The following SLIT2 variants were observed in gnomAD, a reference collection of about 807,000 sequenced individuals.
SLIT2 encodes slit guidance ligand 2, also known as slit homolog 2 protein.
In SLIT2, 41 loss-of-function variants were observed where a neutral mutation model predicts 185.7. The observed-to-expected ratio is 0.22, with a 90% CI of 0.17 to 0.29. The LOEUF (loss-of-function observed/expected upper bound fraction) is 0.29, where lower values mean the gene tolerates loss of function less well. Ranked by LOEUF, SLIT2 falls within the 10% of genes least tolerant of loss-of-function variation. The pLI, the probability that SLIT2 is intolerant of heterozygous loss-of-function variation, is 1.00. For missense variants in SLIT2, 1,571 were observed against 1,909.0 expected (o/e 0.82, Z 3.30); for synonymous variants, 693 against 680.2 (o/e 1.02, Z -0.29).
chr4:20,403,354 T>C lies in SLIT2; in HGVS notation c.396-64398T>C, dbSNP rs1726505970. On this transcript the variant is annotated intron_variant, in intron 4 of 36. Coordinates refer to ENST00000504154, the MANE Select transcript of SLIT2 (RefSeq NM_004787.4). ...CAAACCATACACCAATTCCCAGCAGTTTTCACTGGAGACAGTGTTACAAGA... is the reference window on the plus strand; with the variant it reads ...CAAACCATACACCAATTCCCAGCAGCTTTCACTGGAGACAGTGTTACAAGA... Among the ~76,000 whole-genome samples, 10 of 152,032 alleles carry C rather than the reference T, an allele frequency of 6.6e-5. No homozygotes were observed. The South Asian group carries it at 2.1e-3, about 31-fold the overall frequency.
intron 4 of SLIT2, among the ~76,000 whole-genome samples, chr4:20,408,160 A>AG (rs1726917895): frequency 6.6e-6 from 1 of 152,192 alleles, no homozygotes; most frequent in Non-Finnish European, 1.5e-5. Flanking sequence ...TGTTTAACAG[A>AG]GGCTTATTAA....
intron 4 of SLIT2, among the ~76,000 whole-genome samples, chr4:20,409,449 A>T (rs1410639253): frequency 6.6e-6 from 1 of 152,054 alleles, no homozygotes; most frequent in African/African-American, 2.4e-5. Flanking sequence ...TATGTACCAC[A>T]TTTTCTTTAT....
chr4:20,527,663 C>A (rs985637326), intron 15 of SLIT2, among the ~76,000 whole-genome samples: 46 of 152,086 alleles, frequency 3.0e-4, no homozygotes, highest in African/African-American at 1.1e-3. Context: ...TCTTGTGAGA[C>A]CACCGTGCTT....
chr4:20,338,767 A>G (rs1167463227), intron 4 of SLIT2, among the ~76,000 whole-genome samples: 1 of 152,110 alleles, frequency 6.6e-6, no homozygotes, highest in Non-Finnish European at 1.5e-5. Context: ...AAATACCAAC[A>G]ATCTATTATT....
chr4:20,518,698 G>A (rs140651529), intron 11 of SLIT2, among the ~76,000 whole-genome samples: 24,010 of 114,618 alleles, frequency 0.21, 2,553 homozygotes, highest in African/African-American at 0.32. Context: ...TCCGCCTCCC[G>A]GGTTCACGCC....
chr4:20,419,858 A>G (rs543788193), intron 4 of SLIT2, among the ~76,000 whole-genome samples: 148 of 152,200 alleles, frequency 9.7e-4, no homozygotes, highest in African/African-American at 3.1e-3. Context: ...TTTCTATATC[A>G]TAGGATGAGT....
intron 4 of SLIT2, among the ~76,000 whole-genome samples, chr4:20,277,603 T>G (rs1185431470): frequency 6.6e-6 from 1 of 151,550 alleles, no homozygotes; most frequent in Non-Finnish European, 1.5e-5. Flanking sequence ...AAACTACCAC[T>G]GTAGTTACAT....
chr4:20,591,895 A>G (rs1727547818), intron 30 of SLIT2, among the ~76,000 whole-genome samples: 1 of 152,088 alleles, frequency 6.6e-6, no homozygotes, highest in African/African-American at 2.4e-5. Flanking sequence ...CCTTAATTAA[A>G]TATCTCCTCT....
At chr4:20,614,709 G>C (rs1388346564) in intron 34 of SLIT2, among the ~76,000 whole-genome samples, 1 of 151,744 alleles carries the variant, frequency 6.6e-6, no homozygotes, top group Non-Finnish European at 1.5e-5. Flanking sequence ...CCCAGGAGGC[G>C]GGGGTTGCAG....
chr4:20,564,264 G>A (rs1724918625), intron 26 of SLIT2, among the ~76,000 whole-genome samples: 1 of 151,586 alleles, frequency 6.6e-6, no homozygotes, highest in Non-Finnish European at 1.5e-5. Flanking sequence ...GACTTAGAAG[G>A]GCAAAATATG....
In SLIT2 at chr4:20,508,921, A is replaced by G. The variant is rs138537269; in HGVS notation, c.915-1574A>G. On this transcript the variant is annotated intron_variant, in intron 9 of 36. Coordinates refer to ENST00000504154, the MANE Select transcript of SLIT2 (RefSeq NM_004787.4). ...GAAGAAAAACCGTAGCACCATGAGAAGGGCTTTGAAATCAGAAAAGACCAA... is the reference window on the plus strand; with the variant it reads ...GAAGAAAAACCGTAGCACCATGAGAGGGGCTTTGAAATCAGAAAAGACCAA... Among the ~76,000 whole-genome samples the G allele has an allele frequency of 3.1e-3, 469 of 152,190 alleles. 2 individuals carry two copies. The highest frequency in any genetic ancestry group is 0.011 in the African/African-American group (438 of 41,566).
chr4:20,407,848 G>A (rs1726894433), intron 4 of SLIT2, among the ~76,000 whole-genome samples: 1 of 152,118 alleles, frequency 6.6e-6, no homozygotes, highest in Non-Finnish European at 1.5e-5. Context: ...TTTGCATAGT[G>A]GAGGAAAGCC....
At chr4:20,419,310 G>A (rs1035223019) in intron 4 of SLIT2, among the ~76,000 whole-genome samples, 1 of 152,078 alleles carries the variant, frequency 6.6e-6, no homozygotes, top group Non-Finnish European at 1.5e-5. Flanking sequence ...TAATAAAAAT[G>A]TGCTTACATA....
At chr4:20,533,493 A>C (rs1721984870) in intron 17 of SLIT2, 79 bp from the exon 18 acceptor site, 4 of 1,120,388 alleles carry the variant, frequency 3.6e-6, no homozygotes, top group Non-Finnish European at 5.2e-6. Flanking sequence ...GGATCATTAG[A>C]AGAAAATTAT....
At chr4:20,321,486 C>A (rs777165753) in intron 4 of SLIT2, among the ~76,000 whole-genome samples, 5 of 152,104 alleles carry the variant, frequency 3.3e-5, no homozygotes, top group Non-Finnish European at 7.4e-5. Flanking sequence ...GTGTGTAGGA[C>A]CCCAGTGACT....
intron 4 of SLIT2, among the ~76,000 whole-genome samples, chr4:20,302,985 A>G (rs981650383): frequency 1.1e-4 from 17 of 152,114 alleles, no homozygotes; most frequent in Non-Finnish European, 2.9e-5. Context: ...TTATCCCATT[A>G]TCTACATTAA....
chr4:20,382,276 T>C (rs914129488), intron 4 of SLIT2, among the ~76,000 whole-genome samples: 3 of 152,146 alleles, frequency 2.0e-5, no homozygotes, highest in African/African-American at 7.2e-5. Context: ...GAAATGCTTT[T>C]CCTCCAAGTT....
intron 4 of SLIT2, among the ~76,000 whole-genome samples, chr4:20,306,850 C>G (rs1021808071): frequency 9.2e-5 from 14 of 152,068 alleles, no homozygotes; most frequent in Non-Finnish European, 1.6e-4. Flanking sequence ...AAAGCTGAAT[C>G]CTTGCTTGCA....
chr4:20,260,233 A>G (rs530206804), intron 3 of SLIT2, among the ~76,000 whole-genome samples: 135 of 151,966 alleles, frequency 8.9e-4, no homozygotes, highest in Non-Finnish European at 1.6e-3. Context: ...ACACCAAAAA[A>G]TTGCTTGCTT....
Sources: allele counts gnomAD v4.1 joint callset (sites outside exome capture counted in the v4.1 genomes callset), GRCh38; gene constraint gnomAD v4.1.1; transcripts MANE v1.5; gene names NCBI Gene and HGNC (gene_info 2026-07-23, HGNC 2026-07-21).